Variants in ARHGEF18 observed in about 807,000 individuals in gnomAD.
The protein encoded by ARHGEF18 is Rho/Rac guanine nucleotide exchange factor 18, also known as rho guanine nucleotide exchange factor 18.
Under a neutral mutation model 155.7 loss-of-function variants are expected in ARHGEF18, and 93 were observed. That is an observed-to-expected ratio of 0.60 (90% CI 0.50 to 0.71). ARHGEF18 has a LOEUF of 0.71. ARHGEF18 is among the 30% of genes least tolerant of loss of function. ARHGEF18 has a pLI of 0.00. For synonymous variants in ARHGEF18, 742 were observed against 753.1 expected, an observed-to-expected ratio of 0.99 and a Z score of 0.24; for missense variants, 1,593 against 1,816.1, an observed-to-expected ratio of 0.88 and a Z score of 2.23.
chr19:7,374,013 G>T (rs927439972), intron 3 of ARHGEF18, among the ~76,000 whole-genome samples: 4 of 151,810 alleles, frequency 2.6e-5, no homozygotes, highest in African/African-American at 9.7e-5. Flanking sequence ...CTCCCGCCTT[G>T]GCCTCCCAAG....
At chr19:7,404,812 C>T (rs1242982713) in intron 10 of ARHGEF18, among the ~76,000 whole-genome samples, 1 of 152,218 alleles carries the variant, frequency 6.6e-6, no homozygotes, top group African/African-American at 2.4e-5. Context: ...CAGGGACTCT[C>T]TTGTAGCTCC....
chr19:7,361,562 C>T (rs1456906311), intron 1 of ARHGEF18, among the ~76,000 whole-genome samples: 1 of 152,184 alleles, frequency 6.6e-6, no homozygotes, highest in Admixed American at 6.5e-5. Flanking sequence ...CAATTGCGTA[C>T]ATCTGTATGC....
intron 2 of ARHGEF18, among the ~76,000 whole-genome samples, chr19:7,363,590 T>A (rs1049868233): frequency 6.8e-6 from 1 of 148,064 alleles, no homozygotes; most frequent in Non-Finnish European, 1.5e-5. Flanking sequence ...AAATGAAAGA[T>A]GGAAGGAAGG....
rs1419131491 is a variant in ARHGEF18, at chr19:7,471,487, G to A, written c.*1189G>A. ...TCTGCACCCCAAGCATTGGTGGTAG[G>A]ACTGGGTCCTGGCTGATCGTCCTTG... On this transcript the variant is annotated 3_prime_UTR_variant, in exon 29 of 29. Coordinates refer to ENST00000668164, the MANE Select transcript of ARHGEF18 (RefSeq NM_001367823.1). The surrounding 1 kb of genome is among the most constrained non-coding windows in gnomAD (Gnocchi z 4.4). 6.6e-6 allele frequency: 1 copy of A among 152,296 alleles called. No individual in the cohort carries two copies. The highest frequency in any genetic ancestry group is 1.5e-5 in the Non-Finnish European group (1 of 68,084). The allele number at this position is 152,296 out of a possible 1,614,324, so 9.4% of individuals were successfully genotyped here. A position where few individuals can be genotyped will look rare whatever the true frequency, so the allele number is the denominator to read the frequency against.
Position 7,471,109 on chromosome 19 carries a change from T to G in ARHGEF18, c.*811T>G. 1 of 299,134 alleles carries G rather than the reference T, an allele frequency of 3.3e-6. No homozygotes were observed. The highest frequency in any genetic ancestry group is 6.1e-6 in the Non-Finnish European group (1 of 163,424). 18.5% of individuals were successfully genotyped at this position (299,134 alleles called of 1,614,324 possible). On this transcript the variant is annotated 3_prime_UTR_variant, in exon 29 of 29. Transcript: ENST00000668164. This position sits in a 1 kb window ranked among gnomAD's most constrained non-coding sequence, Gnocchi z 4.4. ...CAGCCTGTCTGGGGGAGCGGGCCTC[T>G]AGCTTCAGCCAGGGCGGGTACACAC...
At position 7,453,762 on chromosome 19, in the gene ARHGEF18, AGTGGGCACTGTCTTGGAGTG is replaced by A. The variant is rs770270541; in HGVS notation, c.2104+62_2104+81del. 1.6e-5 allele frequency: 24 copies of A among 1,505,878 alleles called. 1 individual carries two copies. The highest frequency in any genetic ancestry group is 7.0e-5 in the African/African-American group (5 of 71,638). 93.3% of individuals were successfully genotyped at this position (1,505,878 alleles called of 1,614,324 possible). A position where few individuals can be genotyped will look rare whatever the true frequency, so the allele number is the denominator to read the frequency against. On this transcript the variant is annotated intron_variant, in intron 17 of 28. Transcript: ENST00000668164. The stretch of plus-strand genomic sequence containing the variant: ...CCTCTAGTGGGTGCCATCTTGGATC[AGTGGGCACTGTCTTGGAGTG>A]GTGGGCACTGTCTTAGATTAGTGGC...
At chr19:7,374,402 C>T (rs759163435) in intron 3 of ARHGEF18, among the ~76,000 whole-genome samples, 23 of 152,050 alleles carry the variant, frequency 1.5e-4, no homozygotes, top group African/African-American at 3.9e-4. Flanking sequence ...TGAGGCCGGG[C>T]GCGGTGGCTC....
intron 23 of ARHGEF18, among the ~76,000 whole-genome samples, chr19:7,465,573 A>T (rs1276512602): frequency 6.6e-6 from 1 of 151,956 alleles, no homozygotes; most frequent in African/African-American, 2.4e-5. Context: ...ACACCTGACT[A>T]ATTTTTTAAA....
In ARHGEF18 at chr19:7,383,165, C is replaced by G; in HGVS notation, c.929C>G (p.Ser310Cys). 5 of 1,232,302 alleles carry G rather than the reference C, an allele frequency of 4.1e-6. No individual in the cohort carries two copies. Among genetic ancestry groups the G allele is most frequent in the Non-Finnish European group, 5.1e-6 (5 of 988,104 alleles). The allele number at this position is 1,232,302 out of a possible 1,614,324, so 76.3% of individuals were successfully genotyped here. A position where few individuals can be genotyped will look rare whatever the true frequency, so the allele number is the denominator to read the frequency against. ...TTGCAAGGGACCTTCTCCGGCCCCT[C>G]CAGCTGCCCCCTGTGTGGCAAACCT... The part of the protein sequence containing the change: ...QLLQGTFSGP[S>C]SCPLCGKPFL... Residue 310 changes from serine to cysteine, a missense_variant, in exon 10 of 29, where the codon TCC (serine) becomes TGC (cysteine). By Grantham distance (112) the Ser-to-Cys change is moderately radical. Transcript: ENST00000668164.
intron 10 of ARHGEF18, among the ~76,000 whole-genome samples, chr19:7,385,963 C>CCCCTCTCT (rs1216057576): frequency 1.8e-4 from 14 of 76,424 alleles, no homozygotes; most frequent in Admixed American, 5.4e-4. Flanking sequence ...TCTCTCCCTC[C>CCCCTCTCT]CCCTCTCTCC....
intron 10 of ARHGEF18, among the ~76,000 whole-genome samples, chr19:7,392,957 G>A (rs1971485104): frequency 6.8e-6 from 1 of 146,356 alleles, no homozygotes; most frequent in Non-Finnish European, 1.5e-5. Context: ...TGAGGTGGGA[G>A]GACAACTTGA....
chr19:7,430,768 G>A (rs932895419), intron 10 of ARHGEF18, among the ~76,000 whole-genome samples: 1 of 152,148 alleles, frequency 6.6e-6, no homozygotes, highest in African/African-American at 2.4e-5. Flanking sequence ...CTGTGCCACT[G>A]TACTCCAGCC....
At chr19:7,388,589 A>G (rs1219676154) in intron 10 of ARHGEF18, among the ~76,000 whole-genome samples, 2 of 151,774 alleles carry the variant, frequency 1.3e-5, no homozygotes, top group African/African-American at 4.8e-5. Flanking sequence ...ATTTTTATTT[A>G]TTTATTTTCA....
chr19:7,453,518 A>T lies in ARHGEF18; in HGVS notation c.1907A>T (p.Asp636Val), dbSNP rs1052206369. ...ACCCAGGCCTTGAACCTCATCAAAG[A>T]TATCATCTCACAAGTGGACGCCAAG... ...DLTQALNLIK[D>V]IISQVDAKVS... The change falls in exon 17 of 29, where the codon GAT (aspartate) becomes GTT (valine). Residue 636 changes from aspartate to valine, a missense_variant. Physicochemically the swap from Asp to Val is radical, Grantham distance 152. Transcript: ENST00000668164. 1.2e-6 allele frequency: 2 copies of T among 1,613,882 alleles called. No homozygotes were observed. The highest frequency in any genetic ancestry group is 2.2e-5 in the South Asian group (2 of 91,050).
Position 7,467,491 on chromosome 19 carries a change from G to T in ARHGEF18, c.3287G>T (p.Arg1096Leu), listed in dbSNP as rs1345634723. ...ARLQEREGEARQLRERLEQER... is the reference protein window; with the variant it reads ...ARLQEREGEALQLRERLEQER... ...CTGCAGGAGCGCGAGGGCGAGGCGC[G>T]GCAGCTACGCGAGCGGCTGGAGCAG... Residue 1096 changes from arginine (R) to leucine (L), a missense_variant, in exon 26 of 29, where the codon CGG becomes CTG. Coordinates refer to ENST00000668164, the MANE Select transcript of ARHGEF18 (RefSeq NM_001367823.1). 6.9e-7 allele frequency: 1 copy of T among 1,441,786 alleles called. No individual in the cohort carries two copies. Among genetic ancestry groups the T allele is most frequent in the African/African-American group, 1.5e-5 (1 of 66,812 alleles). 89.3% of individuals were successfully genotyped at this position (1,441,786 alleles called of 1,614,324 possible).
chr19:7,349,021 C>T lies in ARHGEF18; in HGVS notation c.-331C>T, dbSNP rs1285516607. 1 of 152,330 alleles carries T rather than the reference C, an allele frequency of 6.6e-6. No homozygotes were observed. The highest frequency in any genetic ancestry group is 1.9e-4 in the East Asian group (1 of 5,198). The allele number at this position is 152,330 out of a possible 1,614,324, so 9.4% of individuals were successfully genotyped here. A position where few individuals can be genotyped will look rare whatever the true frequency, so the allele number is the denominator to read the frequency against. ...CCATCCTCTGGGCTCTTTTTAGGCC[C>T]CTAGATTGGCCTGCAGCTGGGAGCA... On this transcript the variant is annotated 5_prime_UTR_variant, in exon 1 of 29. Coordinates refer to ENST00000668164, the MANE Select transcript of ARHGEF18 (RefSeq NM_001367823.1).
downstream of ARHGEF18, among the ~76,000 whole-genome samples, chr19:7,476,086 AGC>A (rs1977221189): frequency 2.0e-5 from 3 of 152,204 alleles, no homozygotes; most frequent in Admixed American, 6.5e-5. Flanking sequence ...CGAGGCAGGC[AGC>A]TCACTTGAAG....
At chr19:7,399,487 CTT>C (rs59714990) in intron 10 of ARHGEF18, among the ~76,000 whole-genome samples, 6 of 144,276 alleles carry the variant, frequency 4.2e-5, no homozygotes, top group Non-Finnish European at 3.1e-5. Context: ...TTTTTTCCTT[CTT>C]TTTTTTTTTT....
chr19:7,442,128 T>TCCCTTCCTCCCTCCCTC (rs1568338627), intron 13 of ARHGEF18, 76 bp downstream of exon 13: 1 of 51,682 alleles, frequency 1.9e-5, no homozygotes, highest in African/African-American at 6.3e-4. Context: ...CTCCCTCCCT[T>TCCCTTCCTCCCTCCCTC]CCTTCCTTCC....
Sources: allele counts gnomAD v4.1 joint callset (sites outside exome capture counted in the v4.1 genomes callset), GRCh38; gene constraint gnomAD v4.1.1; non-coding constraint Gnocchi (gnomAD v3.1); transcripts MANE v1.5; gene names NCBI Gene and HGNC (gene_info 2026-07-23, HGNC 2026-07-21).